The following GALNT1 variants were observed in gnomAD, a reference collection of about 807,000 sequenced individuals.
The protein encoded by GALNT1 is polypeptide N-acetylgalactosaminyltransferase 1.
A neutral mutation model predicts 65.7 loss-of-function variants in GALNT1; 17 were observed. That is an observed-to-expected ratio of 0.26 (90% CI 0.18 to 0.39). The LOEUF (loss-of-function observed/expected upper bound fraction) is 0.39, where lower values mean the gene tolerates loss of function less well. Ranked by LOEUF, GALNT1 falls within the 10% of genes least tolerant of loss-of-function variation. GALNT1 has a pLI of 1.00. For missense variants in GALNT1, 460 were observed against 672.8 expected (o/e 0.68, Z 3.50); for synonymous variants, 210 against 219.7 (o/e 0.96, Z 0.39).
At chr18:35,667,750 C>T (rs1315997171) in intron 3 of GALNT1, among the ~76,000 whole-genome samples, 1 of 152,164 alleles carries the variant, frequency 6.6e-6, no homozygotes, top group African/African-American at 2.4e-5. Context: ...GACTGCATCA[C>T]TGTGGTGTCA....
At chr18:35,686,951 G>T (rs111943751) in intron 5 of GALNT1, 65 bp from the exon 6 acceptor site, 3 of 1,457,552 alleles carry the variant, frequency 2.1e-6, no homozygotes, top group Non-Finnish European at 1.9e-6. Flanking sequence ...CTATACAATT[G>T]TTCTGTAGTT....
chr18:35,629,583 G>T (rs2046974900), intron 1 of GALNT1, among the ~76,000 whole-genome samples: 1 of 152,118 alleles, frequency 6.6e-6, no homozygotes, highest in Non-Finnish European at 1.5e-5. Context: ...ACATGGAAAG[G>T]AAGAACCGGT....
intron 1 of GALNT1, among the ~76,000 whole-genome samples, chr18:35,619,714 G>A (rs1482958343): frequency 1.3e-5 from 2 of 152,202 alleles, no homozygotes; most frequent in Non-Finnish European, 2.9e-5. Flanking sequence ...GCGCTCAGTA[G>A]TGTCGTTGGC....
chr18:35,677,406 A>G (rs1322705873), intron 3 of GALNT1, among the ~76,000 whole-genome samples, 185 bp from the exon 4 acceptor site: 1 of 152,230 alleles, frequency 6.6e-6, no homozygotes, highest in African/African-American at 2.4e-5. Context: ...TAATCTAAAT[A>G]TATCACTTTA....
At chr18:35,676,384 A>G (rs1486113779) in intron 3 of GALNT1, among the ~76,000 whole-genome samples, 1 of 152,180 alleles carries the variant, frequency 6.6e-6, no homozygotes, top group Admixed American at 6.5e-5. Flanking sequence ...AGAAAGGACA[A>G]GGGCTGATGG....
chr18:35,634,385 C>T (rs2047062229), intron 1 of GALNT1, among the ~76,000 whole-genome samples: 2 of 151,728 alleles, frequency 1.3e-5, no homozygotes, highest in Admixed American at 6.6e-5. Flanking sequence ...GTGGGGGTTC[C>T]CAAGACCCAC....
At chr18:35,656,631 G>A (rs1470315028) in intron 2 of GALNT1, among the ~76,000 whole-genome samples, 2 of 152,216 alleles carry the variant, frequency 1.3e-5, no homozygotes, top group African/African-American at 4.8e-5. Context: ...AGGTGGCAGA[G>A]GCCATGTCAC....
chr18:35,662,989 T>C (rs2047498365), intron 2 of GALNT1, among the ~76,000 whole-genome samples: 3 of 152,180 alleles, frequency 2.0e-5, no homozygotes, highest in African/African-American at 7.2e-5. Context: ...AGCAATTGGT[T>C]AGAGACATAA....
chr18:35,614,623 G>A (rs2046760029), intron 1 of GALNT1, among the ~76,000 whole-genome samples: 1 of 152,146 alleles, frequency 6.6e-6, no homozygotes, highest in South Asian at 2.1e-4. Flanking sequence ...GAGCTACAGG[G>A]CTATGAGGAA....
At position 35,710,705 on chromosome 18, in the gene GALNT1, T is replaced by C. The variant is rs1418988663; in HGVS notation, c.*935T>C. On this transcript the variant is annotated 3_prime_UTR_variant, in exon 12 of 12. Coordinates refer to ENST00000269195, the MANE Select transcript of GALNT1 (RefSeq NM_020474.4). ...CTTATCACATTTTCGACTTCTTCAC[T>C]TGACCTAACTGATTATGCGAAATAC... is the stretch of plus-strand genomic sequence containing the variant. The C allele has an allele frequency of 6.6e-6, 1 of 152,528 alleles. No homozygotes were observed. Among genetic ancestry groups the C allele is most frequent in the African/African-American group, 2.4e-5 (1 of 41,432 alleles). The allele number at this position is 152,528 out of a possible 1,614,324, so 9.4% of individuals were successfully genotyped here.
chr18:35,670,342 A>G (rs1274779336), intron 3 of GALNT1, among the ~76,000 whole-genome samples: 1 of 152,220 alleles, frequency 6.6e-6, no homozygotes, highest in East Asian at 1.9e-4. Context: ...TTTAAGGTCT[A>G]TATTAAAAAG....
intron 1 of GALNT1, among the ~76,000 whole-genome samples, chr18:35,652,870 A>G (rs1223448914): frequency 6.6e-6 from 1 of 152,254 alleles, no homozygotes; most frequent in African/African-American, 2.4e-5. Context: ...ACTATTCTGC[A>G]GGCATTTTTT....
chr18:35,684,042 AG>A (rs1052319533), intron 5 of GALNT1, among the ~76,000 whole-genome samples: 9 of 152,252 alleles, frequency 5.9e-5, no homozygotes, highest in Non-Finnish European at 4.4e-5. Context: ...TTGTATGGAA[AG>A]CACCATAATC....
chr18:35,661,411 A>T (rs2047474964), intron 2 of GALNT1, among the ~76,000 whole-genome samples: 1 of 152,094 alleles, frequency 6.6e-6, no homozygotes, highest in South Asian at 2.1e-4. Context: ...AGACAGGACA[A>T]TTCGCTTGAA....
At chr18:35,687,435 ATTCC>A (rs2047886116) in intron 6 of GALNT1, among the ~76,000 whole-genome samples, 1 of 152,150 alleles carries the variant, frequency 6.6e-6, no homozygotes, top group Admixed American at 6.5e-5. Context: ...GTGTTTTTTC[ATTCC>A]TTTATGAACA....
chr18:35,653,448 T>C (rs2047335906), intron 1 of GALNT1, among the ~76,000 whole-genome samples: 1 of 152,206 alleles, frequency 6.6e-6, no homozygotes, highest in South Asian at 2.1e-4. Context: ...AAAGTTGCCC[T>C]TGTAAGAAGC....
In GALNT1 at chr18:35,630,865, A is replaced by AG. The variant is rs1248469497; in HGVS notation, c.-103-23691dup. Among the ~76,000 whole-genome samples, 12 of 152,246 alleles carry AG rather than the reference A, an allele frequency of 7.9e-5. No homozygotes were observed. In the South Asian group the frequency reaches 1.9e-3, roughly 24 times the overall value. On this transcript the variant is annotated intron_variant, in intron 1 of 11. Coordinates refer to ENST00000269195, the MANE Select transcript of GALNT1 (RefSeq NM_020474.4). ...AAATAGACGCAATAAAAAATGATGAAGGGGATATCACCACTGATCCCACAG... is the reference window on the plus strand; with the variant it reads ...AAATAGACGCAATAAAAAATGATGAAGGGGGATATCACCACTGATCCCACAG...
chr18:35,653,210 G>T lies in GALNT1; in HGVS notation c.-103-1350G>T, dbSNP rs115394827. On this transcript the variant is annotated intron_variant, in intron 1 of 11. Transcript: ENST00000269195. ...TTTCATCTTGCAGTCAGGGAGTATT[G>T]GTTTGATGAAAGGAGGAATATAGGC... is the stretch of plus-strand genomic sequence containing the variant. Among the ~76,000 whole-genome samples the T allele has an allele frequency of 7.1e-3, 1,088 of 152,200 alleles. 16 individuals carry two copies. The highest frequency in any genetic ancestry group is 0.024 in the African/African-American group (1,002 of 41,512).
intron 1 of GALNT1, among the ~76,000 whole-genome samples, 156 bp downstream of exon 1, chr18:35,582,018 G>A (rs2143794405): frequency 6.6e-6 from 1 of 152,096 alleles, no homozygotes; most frequent in African/African-American, 2.4e-5. Flanking sequence ...GCGGGTTCGG[G>A]TCTGGGACCC....
Sources: gnomAD v4.1 joint callset for allele counts (sites outside exome capture counted in the v4.1 genomes callset) on GRCh38, gnomAD v4.1.1 for gene constraint, MANE v1.5 for transcripts, NCBI Gene and HGNC (gene_info 2026-07-23, HGNC 2026-07-21) for gene names.